DDX23: variants seen among roughly 807,000 people sequenced by gnomAD.
The protein encoded by DDX23 is DEAD-box helicase 23, also known as probable ATP-dependent RNA helicase DDX23.
A neutral mutation model predicts 102.7 loss-of-function variants in DDX23; 33 were observed. The ratio of observed to expected loss-of-function variants is 0.32; its 90% CI spans 0.24 to 0.43. The LOEUF (loss-of-function observed/expected upper bound fraction) is 0.43, where lower values mean the gene tolerates loss of function less well. DDX23 is among the 20% of genes least tolerant of loss of function. The pLI is 1.00. For missense variants in DDX23, 549 were observed against 1,086.6 expected, an observed-to-expected ratio of 0.51 and a Z score of 6.96; for synonymous variants, 352 against 376.0, an observed-to-expected ratio of 0.94 and a Z score of 0.74.
At chr12:48,831,868 G>C (rs1271736351) in intron 15 of DDX23, 1 of 581,428 alleles carries the variant, frequency 1.7e-6, no homozygotes, top group African/African-American at 1.9e-5. Flanking sequence ...AGGCAGCTTT[G>C]GCTGGCATTA....
Position 48,832,201 on chromosome 12 carries a change from A to C in DDX23, c.1956-15T>G. On this transcript the variant is annotated splice_polypyrimidine_tract_variant and intron_variant, in intron 14 of 16. Coordinates refer to ENST00000308025, the MANE Select transcript of DDX23 (RefSeq NM_004818.3). The surrounding 1 kb of genome is among the most constrained non-coding windows in gnomAD (Gnocchi z 4.4). ...GCAGCTTTTTCCTGGAAGGAAGAGG[A>C]GAAAAACAAGATGCATAATACCTCC... 4 of 1,613,508 alleles carry C rather than the reference A, an allele frequency of 2.5e-6. No individual in the cohort carries two copies. Among genetic ancestry groups the C allele is most frequent in the Non-Finnish European group, 3.4e-6 (4 of 1,179,558 alleles).
chr12:48,835,880 G>T (rs1938462550), intron 11 of DDX23, among the ~76,000 whole-genome samples: 1 of 152,184 alleles, frequency 6.6e-6, no homozygotes, highest in African/African-American at 2.4e-5. Context: ...GACAGAGTGA[G>T]ACTCTGCCTC....
intron 1 of DDX23, among the ~76,000 whole-genome samples, chr12:48,846,971 T>C (rs1427581253): frequency 6.6e-6 from 1 of 152,204 alleles, no homozygotes; most frequent in Non-Finnish European, 1.5e-5. Flanking sequence ...TCCCAAAGAC[T>C]TGGGATACAT....
In DDX23 at chr12:48,836,473, C is replaced by A; in HGVS notation, c.1236+96G>T. ...AAAAGGTCACATTGGTGCCCACTAG[C>A]AGCGATGGCTCCAAATAGTCAAGGA... On this transcript the variant is annotated intron_variant, in intron 10 of 16. Transcript: ENST00000308025. This position sits in a 1 kb window ranked among gnomAD's most constrained non-coding sequence, Gnocchi z 6.1. 7.5e-7 allele frequency: 1 copy of A among 1,333,626 alleles called. No homozygotes were observed. Among genetic ancestry groups the A allele is most frequent in the Non-Finnish European group, 1.1e-6 (1 of 947,752 alleles). 82.6% of individuals were successfully genotyped at this position (1,333,626 alleles called of 1,614,324 possible).
intron 2 of DDX23, among the ~76,000 whole-genome samples, chr12:48,844,544 G>T (rs1352715615): frequency 2.0e-5 from 3 of 151,974 alleles, no homozygotes; most frequent in Non-Finnish European, 4.4e-5. Context: ...CTCCCAAAGT[G>T]CTGGGATTAT....
chr12:48,831,367 C>T, intron 15 of DDX23, 51 bp from the exon 16 acceptor site: 1 of 1,581,476 alleles, frequency 6.3e-7, no homozygotes, highest in South Asian at 1.1e-5. Flanking sequence ...CAAGGAGAGA[C>T]ACAGGAGTTC....
chr12:48,836,549 G>C lies in DDX23; in HGVS notation c.1236+20C>G. On this transcript the variant is annotated intron_variant, in intron 10 of 16. Coordinates refer to ENST00000308025, the MANE Select transcript of DDX23 (RefSeq NM_004818.3). The surrounding 1 kb of genome is among the most constrained non-coding windows in gnomAD (Gnocchi z 6.1). Reference sequence around the variant, plus strand: ...TGTAGGAACATGTCAGATCTCTTGGGCCAATCTATCCCTCCTTACCTTGTA... The same window carrying C: ...TGTAGGAACATGTCAGATCTCTTGGCCCAATCTATCCCTCCTTACCTTGTA... 1 of 1,605,982 alleles carries C rather than the reference G, an allele frequency of 6.2e-7. No individual in the cohort carries two copies. The highest frequency in any genetic ancestry group is 8.5e-7 in the Non-Finnish European group (1 of 1,174,238).
At chr12:48,831,952 T>A in intron 15 of DDX23, 126 bp downstream of exon 15, 1 of 846,038 alleles carries the variant, frequency 1.2e-6, no homozygotes, top group Non-Finnish European at 1.9e-6. Context: ...ACCCTGGTCC[T>A]AACTTGTTGA....
intron 1 of DDX23, among the ~76,000 whole-genome samples, chr12:48,851,644 G>A (rs894155566): frequency 2.1e-4 from 32 of 152,212 alleles, no homozygotes; most frequent in Admixed American, 2.0e-3. Context: ...GAGCTTTTAA[G>A]TATAAGTAGA....
intron 1 of DDX23, among the ~76,000 whole-genome samples, chr12:48,848,632 T>C (rs1007309722): frequency 6.6e-6 from 1 of 152,176 alleles, no homozygotes; most frequent in African/African-American, 2.4e-5. Flanking sequence ...TCACGCAAGA[T>C]GGAGGGCAGT....
In DDX23 at chr12:48,830,716, T is replaced by C; in HGVS notation, c.2240-24A>G. On this transcript the variant is annotated intron_variant, in intron 16 of 16. Transcript: ENST00000308025. This position sits in a 1 kb window ranked among gnomAD's most constrained non-coding sequence, Gnocchi z 4.9. ...ATCTGGGGAATGGGAAGAACGTCAC[T>C]CAGCATAGCCCAGATGCCCTGGGGA... is the stretch of plus-strand genomic sequence containing the variant. The C allele has an allele frequency of 6.3e-7, 1 of 1,582,976 alleles. No individual in the cohort carries two copies. The highest frequency in any genetic ancestry group is 1.7e-5 in the Admixed American group (1 of 58,094).
intron 11 of DDX23, 148 bp downstream of exon 11, chr12:48,835,973 T>C (rs190306569): frequency 1.3e-5 from 12 of 936,706 alleles, no homozygotes; most frequent in South Asian, 1.1e-4. Context: ...TTCTTCGATA[T>C]CATGATCCAA....
In DDX23 at chr12:48,849,703, A is replaced by T. The variant is rs559146279; in HGVS notation, c.-1+2381T>A. Among the ~76,000 whole-genome samples, 320 of 151,418 alleles carry T rather than the reference A, an allele frequency of 2.1e-3. 1 individual carries two copies. The highest frequency in any genetic ancestry group is 6.9e-3 in the African/African-American group (284 of 41,268). ...AAATCAGCCAGGTGTGGTGGTTCAC[A>T]CTTGTAATCCTAGCACTTTGGGAGG... On this transcript the variant is annotated intron_variant, in intron 1 of 16. Coordinates refer to ENST00000308025, the MANE Select transcript of DDX23 (RefSeq NM_004818.3).
chr12:48,841,348 T>C (rs1938547424), intron 3 of DDX23, among the ~76,000 whole-genome samples: 1 of 152,168 alleles, frequency 6.6e-6, no homozygotes, highest in South Asian at 2.1e-4. Context: ...ATCGTGCCAT[T>C]GCACTCCAGC....
At chr12:48,847,971 C>G (rs969049335) in intron 1 of DDX23, among the ~76,000 whole-genome samples, 4 of 152,082 alleles carry the variant, frequency 2.6e-5, no homozygotes, top group African/African-American at 9.7e-5. Flanking sequence ...TTGTAGGTAA[C>G]GGAGACAAAG....
In DDX23 at chr12:48,830,864, C is replaced by T. The variant is rs1029466347; in HGVS notation, c.2240-172G>A. On this transcript the variant is annotated intron_variant, in intron 16 of 16. Coordinates refer to ENST00000308025, the MANE Select transcript of DDX23 (RefSeq NM_004818.3). This position sits in a 1 kb window ranked among gnomAD's most constrained non-coding sequence, Gnocchi z 4.9. ...TGCCCTCTCCAGGTGCCCATCTCCC[C>T]TGTCCTCCTACTGACTGTGGTCCCT... Among the ~76,000 whole-genome samples the T allele has an allele frequency of 2.0e-5, 3 of 152,164 alleles. No homozygotes were observed. The highest frequency in any genetic ancestry group is 4.8e-5 in the African/African-American group (2 of 41,402).
At chr12:48,839,626 T>C in intron 5 of DDX23, 1 of 518,576 alleles carries the variant, frequency 1.9e-6, no homozygotes, top group Middle Eastern at 5.4e-4. Context: ...AAGGGGTACA[T>C]GTGTACAGAG....
chr12:48,840,525 G>T (rs1239389261), intron 3 of DDX23, among the ~76,000 whole-genome samples: 1 of 151,060 alleles, frequency 6.6e-6, no homozygotes, highest in African/African-American at 2.4e-5. Flanking sequence ...ACAAAAATTA[G>T]CCAGGTGTGG....
At chr12:48,845,487 A>G in intron 2 of DDX23, 87 bp downstream of exon 2, 1 of 1,407,290 alleles carries the variant, frequency 7.1e-7, no homozygotes, top group Non-Finnish European at 1.0e-6. Flanking sequence ...GTAGATGCCT[A>G]ATACTGGAGG....
Sources: gnomAD v4.1 joint callset for allele counts (sites outside exome capture counted in the v4.1 genomes callset) on GRCh38, gnomAD v4.1.1 for gene constraint, Gnocchi (gnomAD v3.1) non-coding constraint, MANE v1.5 for transcripts, NCBI Gene and HGNC (gene_info 2026-07-23, HGNC 2026-07-21) for gene names.